ADAM9: variants seen among roughly 807,000 people sequenced by gnomAD.
The protein encoded by ADAM9 is disintegrin and metalloproteinase domain-containing protein 9.
ADAM9 carries 54 observed loss-of-function variants against 108.1 expected under a neutral mutation model. That is an observed-to-expected ratio of 0.50 (90% CI 0.40 to 0.63). The LOEUF is 0.63. ADAM9 is among the 20% of genes least tolerant of loss of function. ADAM9 has a pLI of 0.00. For missense variants in ADAM9, 830 were observed against 997.7 expected, an observed-to-expected ratio of 0.83 and a Z score of 2.26; for synonymous variants, 316 against 336.0, an observed-to-expected ratio of 0.94 and a Z score of 0.65.
chr8:39,021,261 A>G (rs932707181), intron 7 of ADAM9, among the ~76,000 whole-genome samples: 8 of 152,252 alleles, frequency 5.3e-5, no homozygotes, highest in Admixed American at 2.0e-4. Flanking sequence ...TGGATTCTTC[A>G]TAGTAACAGA....
chr8:39,100,061 C>T (rs1316333032), intron 20 of ADAM9, among the ~76,000 whole-genome samples: 3 of 151,166 alleles, frequency 2.0e-5, no homozygotes, highest in African/African-American at 7.3e-5. Flanking sequence ...TTTGTAGAGA[C>T]GGGGTTTTGC....
chr8:39,071,270 T>G, intron 14 of ADAM9, 28 bp from the exon 15 acceptor site: 1 of 1,606,482 alleles, frequency 6.2e-7, no homozygotes, highest in Non-Finnish European at 8.5e-7. Context: ...AACTTTTTTT[T>G]TCTTTTTTTA....
intron 9 of ADAM9, among the ~76,000 whole-genome samples, chr8:39,025,345 C>T (rs1836884712): frequency 6.6e-6 from 1 of 152,152 alleles, no homozygotes; most frequent in African/African-American, 2.4e-5. Flanking sequence ...GATCTGCCCA[C>T]CTCGGCCTCC....
At position 39,051,493 on chromosome 8, in the gene ADAM9, G is replaced by A. The variant is rs181719936; in HGVS notation, c.1303-2988G>A. ...CTCCAATAAAAGTTAAAATGTACAT[G>A]CTTTTAGATCTAGTAATTCTACCTT... On this transcript the variant is annotated intron_variant, in intron 12 of 21. Coordinates refer to ENST00000487273, the MANE Select transcript of ADAM9 (RefSeq NM_003816.3). Among the ~76,000 whole-genome samples the A allele has an allele frequency of 3.9e-5, 6 of 152,246 alleles. No homozygotes were observed. In the East Asian group the frequency reaches 1.2e-3, roughly 29 times the overall value.
chr8:39,075,556 G>T (rs1393709147), intron 15 of ADAM9, among the ~76,000 whole-genome samples: 2 of 152,154 alleles, frequency 1.3e-5, no homozygotes, highest in African/African-American at 2.4e-5. Flanking sequence ...TTTGTTGGCT[G>T]TTTACATTTC....
At chr8:39,011,015 C>A (rs1167841064) in intron 2 of ADAM9, among the ~76,000 whole-genome samples, 1 of 151,576 alleles carries the variant, frequency 6.6e-6, no homozygotes, top group Non-Finnish European at 1.5e-5. Context: ...ATTTCCTGAA[C>A]CCGGGAGGCA....
chr8:39,040,472 T>G lies in ADAM9; in HGVS notation c.1131-1474T>G, dbSNP rs1837425479. On this transcript the variant is annotated intron_variant, in intron 11 of 21. Coordinates refer to ENST00000487273, the MANE Select transcript of ADAM9 (RefSeq NM_003816.3). ...CTTTTCATGCACCTGTTGGCCATTT[T>G]TATGTCATCTTTGGAGAAATGTCTA... is the stretch of plus-strand genomic sequence containing the variant. Among the ~76,000 whole-genome samples, 3 of 152,256 alleles carry G rather than the reference T, an allele frequency of 2.0e-5. No individual in the cohort carries two copies. The South Asian group carries it at 6.2e-4, about 31-fold the overall frequency.
intron 7 of ADAM9, among the ~76,000 whole-genome samples, chr8:39,020,892 TAA>T (rs11363050): frequency 1.5e-3 from 225 of 149,844 alleles, no homozygotes; most frequent in African/African-American, 2.0e-3. Context: ...TCTGTTAAAT[TAA>T]AAAAAAAAAA....
At chr8:39,017,745 C>T (rs533382010) in intron 6 of ADAM9, among the ~76,000 whole-genome samples, 15 of 152,018 alleles carry the variant, frequency 9.9e-5, no homozygotes, top group African/African-American at 2.7e-4. Context: ...TGCCACCCAC[C>T]GTGCCTGGCT....
intron 20 of ADAM9, among the ~76,000 whole-genome samples, chr8:39,101,143 G>C (rs1437265544): frequency 1.3e-5 from 2 of 152,230 alleles, no homozygotes; most frequent in South Asian, 4.2e-4. Context: ...TAGTACTTTG[G>C]TATTACTGAA....
chr8:39,040,159 C>T (rs575364387), intron 11 of ADAM9, among the ~76,000 whole-genome samples: 1 of 152,306 alleles, frequency 6.6e-6, no homozygotes, highest in African/African-American at 2.4e-5. Flanking sequence ...AAGCGATTCT[C>T]CTACCTCAGC....
chr8:39,061,995 G>A (rs1019813735), intron 14 of ADAM9, among the ~76,000 whole-genome samples: 1 of 152,146 alleles, frequency 6.6e-6, no homozygotes, highest in Non-Finnish European at 1.5e-5. Context: ...CAGTCAATTT[G>A]GTTCTTGGTG....
intron 20 of ADAM9, among the ~76,000 whole-genome samples, chr8:39,096,362 T>TTATGGATACATAAA (rs1554587802): frequency 5.5e-5 from 7 of 126,202 alleles, no homozygotes; most frequent in East Asian, 3.0e-4. Flanking sequence ...ATCTTTGCAA[T>TTATGGATACATAAA]TACATAAAAT....
At chr8:39,054,348 C>A in intron 12 of ADAM9, 133 bp from the exon 13 acceptor site, 3 of 757,754 alleles carry the variant, frequency 4.0e-6, no homozygotes, top group Non-Finnish European at 4.5e-6. Flanking sequence ...AAACAGTAAG[C>A]AACTGTTTCT....
chr8:39,091,302 A>G lies in ADAM9; in HGVS notation c.2254A>G (p.Ser752Gly). 15 of 1,614,134 alleles carry G rather than the reference A, an allele frequency of 9.3e-6. No individual in the cohort carries two copies. Among genetic ancestry groups the G allele is most frequent in the Non-Finnish European group, 1.3e-5 (15 of 1,180,010 alleles). ...NQANPSRQPG[S>G]VPRHVSPVTP... Reference sequence around the variant, plus strand: ...AGCAAACCCTTCTAGACAGCCGGGGAGTGTTCCTCGACATGTTTCTCCAGT... The same window carrying G: ...AGCAAACCCTTCTAGACAGCCGGGGGGTGTTCCTCGACATGTTTCTCCAGT... The change falls in exon 20 of 22, where the codon AGT (serine) becomes GGT (glycine). Residue 752 changes from serine to glycine, a missense_variant. This residue lies in a region of ADAM9 where 238 missense variants were observed against 235.7 expected (regional missense o/e 1.01). Transcript: ENST00000487273.
chr8:39,065,291 G>A (rs1838424337), intron 14 of ADAM9, among the ~76,000 whole-genome samples: 1 of 150,848 alleles, frequency 6.6e-6, no homozygotes, highest in Admixed American at 6.6e-5. Flanking sequence ...TTCATTTCAG[G>A]CACTATGATT....
chr8:39,098,027 A>G (rs181297939), intron 20 of ADAM9, among the ~76,000 whole-genome samples: 3 of 152,288 alleles, frequency 2.0e-5, no homozygotes, highest in East Asian at 1.9e-4. Flanking sequence ...TCAACTGGGT[A>G]TCTTTTAGAA....
At chr8:39,052,988 C>A (rs1838005726) in intron 12 of ADAM9, among the ~76,000 whole-genome samples, 1 of 152,086 alleles carries the variant, frequency 6.6e-6, no homozygotes, top group Admixed American at 6.6e-5. Flanking sequence ...ATATCCTGAC[C>A]AATACTTCGT....
At chr8:39,057,781 A>T (rs971474849) in intron 14 of ADAM9, among the ~76,000 whole-genome samples, 3 of 152,180 alleles carry the variant, frequency 2.0e-5, no homozygotes, top group Admixed American at 6.5e-5. Flanking sequence ...TGCTTTACTC[A>T]TCCTACTGAT....
Sources: allele counts gnomAD v4.1 joint callset (sites outside exome capture counted in the v4.1 genomes callset), GRCh38; gene constraint gnomAD v4.1.1; regional missense constraint gnomAD v4.1.1; transcripts MANE v1.5; gene names NCBI Gene and HGNC (gene_info 2026-07-23, HGNC 2026-07-21).